Variants in KDM5A observed in about 807,000 individuals in gnomAD.
The protein encoded by KDM5A is lysine demethylase 5A, also known as lysine-specific demethylase 5A.
In KDM5A, 42 loss-of-function variants were observed where a neutral mutation model predicts 193.5. The ratio of observed to expected loss-of-function variants is 0.22; its 90% CI spans 0.17 to 0.28. KDM5A has a LOEUF of 0.28. Ranked by LOEUF, KDM5A falls within the 10% of genes least tolerant of loss-of-function variation. The probability of loss-of-function intolerance (pLI) is 1.00; values close to 1 mark genes in which losing one functional copy is unlikely to be tolerated. For missense variants in KDM5A, 1,692 were observed against 2,055.1 expected (o/e 0.82, Z 3.42); for synonymous variants, 796 against 718.1 (o/e 1.11, Z -1.73).
rs1008495693 is a variant in KDM5A at position 339,164 on chromosome 12, G to A, written c.1309-4742C>T. ...TTGCACTCCAGCCTGGGCAACAAGA[G>A]CGAAACCCCATCTCAAAAAAAAAAA... is the stretch of plus-strand genomic sequence containing the variant. On this transcript the variant is annotated intron_variant, in intron 10 of 27. Transcript: ENST00000399788. Among the ~76,000 whole-genome samples, 20 of 143,096 alleles carry A rather than the reference G, an allele frequency of 1.4e-4. No homozygotes were observed. In the East Asian group the frequency reaches 3.8e-3, roughly 27 times the overall value. The allele number at this position is 143,096 out of a possible 152,430, so 93.9% of individuals were successfully genotyped here.
chr12:388,162 C>T (rs1036299642), intron 1 of KDM5A: 18 of 384,432 alleles, frequency 4.7e-5, no homozygotes, highest in Non-Finnish European at 6.8e-5. Flanking sequence ...ACACCTTTGA[C>T]CTTGAGTAAT....
intron 22 of KDM5A, among the ~76,000 whole-genome samples, chr12:308,599 T>G (rs941214767): frequency 1.3e-5 from 2 of 152,242 alleles, no homozygotes; most frequent in Non-Finnish European, 2.9e-5. Flanking sequence ...GAAACTCATT[T>G]TAACAAAGTA....
At position 284,202 on chromosome 12, in the gene KDM5A, C is replaced by T. The variant is rs1308337502; in HGVS notation, c.*1254G>A. ...TTTGATGTTGAAACTCTGTCATATGCTGCTGGTAACAGTAAATATATATAT... is the reference window on the plus strand; with the variant it reads ...TTTGATGTTGAAACTCTGTCATATGTTGCTGGTAACAGTAAATATATATAT... On this transcript the variant is annotated 3_prime_UTR_variant, in exon 28 of 28. Transcript: ENST00000399788. The T allele has an allele frequency of 8.8e-6, 2 of 226,296 alleles. No homozygotes were observed. The highest frequency in any genetic ancestry group is 3.7e-4 in the South Asian group (2 of 5,432). The allele number at this position is 226,296 out of a possible 1,614,324, so 14.0% of individuals were successfully genotyped here. A position where few individuals can be genotyped will look rare whatever the true frequency, so the allele number is the denominator to read the frequency against.
In KDM5A at chr12:281,945, A is replaced by C. The variant is rs139957120; in HGVS notation, c.*3511T>G. ...CCTGCTAGCACAGAAGCGCAGAAGC[A>C]AAGCCCAGGCAGAACCATGCTAACC... On this transcript the variant is annotated 3_prime_UTR_variant, in exon 28 of 28. Coordinates refer to ENST00000399788, the MANE Select transcript of KDM5A (RefSeq NM_001042603.3). 1,687 of 286,516 alleles carry C rather than the reference A, an allele frequency of 5.9e-3. 33 individuals carry two copies. The highest frequency in any genetic ancestry group is 0.033 in the African/African-American group (1,497 of 46,034). The allele number at this position is 286,516 out of a possible 1,614,324, so 17.7% of individuals were successfully genotyped here.
In KDM5A at chr12:333,749, C is replaced by T. The variant is rs1004352239; in HGVS notation, c.1491-100G>A. On this transcript the variant is annotated intron_variant, in intron 11 of 27. Coordinates refer to ENST00000399788, the MANE Select transcript of KDM5A (RefSeq NM_001042603.3). ...CAAATTATAATTAACTTGTCTTATT[C>T]CATGGTCAGATTATATGCCCTGAAT... is the stretch of plus-strand genomic sequence containing the variant. 2.5e-5 allele frequency: 29 copies of T among 1,138,506 alleles called. No individual in the cohort carries two copies. In the South Asian group the frequency reaches 3.4e-4, roughly 13 times the overall value. The allele number at this position is 1,138,506 out of a possible 1,614,324, so 70.5% of individuals were successfully genotyped here.
At chr12:324,639 G>A (rs901724531) in intron 14 of KDM5A, among the ~76,000 whole-genome samples, 10 of 152,260 alleles carry the variant, frequency 6.6e-5, no homozygotes, top group Non-Finnish European at 1.5e-4. Flanking sequence ...TTGGGAGGCC[G>A]AGGTAGGCAG....
intron 1 of KDM5A, chr12:387,137 A>G (rs1944646516): frequency 4.3e-6 from 1 of 230,524 alleles, no homozygotes; most frequent in African/African-American, 2.4e-5. Flanking sequence ...AAAATTAGAT[A>G]GCATATTTCA....
chr12:353,950 TA>T (rs1944195713), intron 8 of KDM5A, 125 bp downstream of exon 8: 1 of 771,390 alleles, frequency 1.3e-6, no homozygotes, highest in Non-Finnish European at 2.1e-6. Flanking sequence ...CTGGAAATTT[TA>T]AACACTACAT....
intron 5 of KDM5A, among the ~76,000 whole-genome samples, chr12:360,136 T>C (rs1944277540): frequency 6.6e-6 from 1 of 151,956 alleles, no homozygotes; most frequent in Admixed American, 6.6e-5. Flanking sequence ...GAGCCAGGCA[T>C]AGTGGCATGT....
chr12:380,039 T>C (rs10744616), intron 3 of KDM5A, among the ~76,000 whole-genome samples: 117,608 of 151,866 alleles, frequency 0.77, 45,651 homozygotes, highest in East Asian at 0.84. Flanking sequence ...GAGGCCAAGA[T>C]GGGAGATCAC....
At chr12:327,286 T>C (rs1466089235) in intron 14 of KDM5A, among the ~76,000 whole-genome samples, 1 of 152,152 alleles carries the variant, frequency 6.6e-6, no homozygotes, top group Non-Finnish European at 1.5e-5. Context: ...ACTGAGGACA[T>C]AGCACAAAAT....
chr12:289,914 T>C (rs1170432203), intron 27 of KDM5A, among the ~76,000 whole-genome samples: 7 of 147,046 alleles, frequency 4.8e-5, no homozygotes, highest in African/African-American at 7.5e-5. Flanking sequence ...TTTCTTTTTT[T>C]TTTTTTTTTT....
Position 280,648 on chromosome 12 carries a change from G to T in KDM5A, c.*4808C>A, listed in dbSNP as rs1419363033. 1 of 233,034 alleles carries T rather than the reference G, an allele frequency of 4.3e-6. No individual in the cohort carries two copies. The highest frequency in any genetic ancestry group is 5.6e-5 in the Admixed American group (1 of 17,774). 14.4% of individuals were successfully genotyped at this position (233,034 alleles called of 1,614,324 possible). On this transcript the variant is annotated 3_prime_UTR_variant, in exon 28 of 28. Coordinates refer to ENST00000399788, the MANE Select transcript of KDM5A (RefSeq NM_001042603.3). ...ATTTGCTTCTCTGAAGTAACTTGGG[G>T]TCTGAATTGGTTGTGAGCTTTAAGA...
chr12:366,767 A>C (rs536894416), intron 3 of KDM5A, among the ~76,000 whole-genome samples: 2 of 152,236 alleles, frequency 1.3e-5, no homozygotes, highest in African/African-American at 4.8e-5. Flanking sequence ...TACAGAATAC[A>C]TATTTCAAAG....
intron 2 of KDM5A, among the ~76,000 whole-genome samples, chr12:385,619 A>C (rs1182387036): frequency 1.3e-5 from 2 of 152,166 alleles, no homozygotes; most frequent in African/African-American, 4.8e-5. Context: ...ATTAACAAAA[A>C]TTTTAGTAGA....
chr12:287,261 T>C (rs1323928813), intron 27 of KDM5A, among the ~76,000 whole-genome samples: 2 of 152,144 alleles, frequency 1.3e-5, no homozygotes, highest in Non-Finnish European at 2.9e-5. Flanking sequence ...GAACTCAGAA[T>C]ATCTGGGGAG....
intron 9 of KDM5A, among the ~76,000 whole-genome samples, chr12:351,279 A>G (rs1591926633): frequency 6.6e-6 from 1 of 151,708 alleles, no homozygotes; most frequent in East Asian, 1.9e-4. Flanking sequence ...CTCATTGTTC[A>G]CCTCCCACTT....
intron 1 of KDM5A, chr12:388,190 C>T (rs1268267328): frequency 4.7e-6 from 2 of 429,006 alleles, no homozygotes; most frequent in Non-Finnish European, 9.4e-6. Context: ...CCTCTTGGGG[C>T]ATTAATCCCC....
chr12:380,487 G>A (rs1944560544), intron 3 of KDM5A, among the ~76,000 whole-genome samples: 1 of 152,108 alleles, frequency 6.6e-6, no homozygotes, highest in Non-Finnish European at 1.5e-5. Flanking sequence ...AGGCCAAGGT[G>A]GGCAGATCAT....
Sources: gnomAD v4.1 joint callset for allele counts (sites outside exome capture counted in the v4.1 genomes callset) on GRCh38, gnomAD v4.1.1 for gene constraint, MANE v1.5 for transcripts, NCBI Gene and HGNC (gene_info 2026-07-23, HGNC 2026-07-21) for gene names.